Variants in HOMER1 observed in about 807,000 individuals in gnomAD.
The protein encoded by HOMER1 is homer protein homolog 1.
A neutral mutation model predicts 48.9 loss-of-function variants in HOMER1; 3 were observed. The ratio of observed to expected loss-of-function variants is 0.06; its 90% CI spans 0.03 to 0.16. HOMER1 has a LOEUF of 0.16. Ranked by LOEUF, HOMER1 falls within the 10% of genes least tolerant of loss-of-function variation. The pLI is 1.00. For synonymous variants in HOMER1, 134 were observed against 146.4 expected, an observed-to-expected ratio of 0.92 and a Z score of 0.61; for missense variants, 247 against 411.4, an observed-to-expected ratio of 0.60 and a Z score of 3.46.
intron 1 of HOMER1, among the ~76,000 whole-genome samples, chr5:79,464,115 C>G (rs1272213117): frequency 6.6e-6 from 1 of 152,078 alleles, no homozygotes; most frequent in African/African-American, 2.4e-5. Flanking sequence ...AGAAATTACA[C>G]TTACATAACA....
chr5:79,500,350 T>C (rs181580333), intron 1 of HOMER1, among the ~76,000 whole-genome samples: 13 of 152,156 alleles, frequency 8.5e-5, no homozygotes, highest in Admixed American at 7.2e-4. Flanking sequence ...CAGGAAAGGA[T>C]GGTTTGATAA....
At chr5:79,469,668 CT>C (rs145934231) in intron 1 of HOMER1, among the ~76,000 whole-genome samples, 13 of 149,034 alleles carry the variant, frequency 8.7e-5, no homozygotes, top group African/African-American at 2.0e-4. Flanking sequence ...TATAATTTGC[CT>C]TTTTTTTTTA....
intron 1 of HOMER1, among the ~76,000 whole-genome samples, chr5:79,475,862 A>C (rs1288584995): frequency 6.6e-6 from 1 of 152,196 alleles, no homozygotes; most frequent in South Asian, 2.1e-4. Context: ...TTATCAGTGC[A>C]CATATATACA....
chr5:79,379,079 C>T (rs866149156), intron 8 of HOMER1, among the ~76,000 whole-genome samples: 16 of 55,208 alleles, frequency 2.9e-4, no homozygotes, highest in African/African-American at 4.6e-4. Flanking sequence ...ACCTTTTGTC[C>T]ATATATATAT....
intron 8 of HOMER1, among the ~76,000 whole-genome samples, chr5:79,396,487 A>T (rs1018311149): frequency 6.6e-6 from 1 of 151,954 alleles, no homozygotes; most frequent in East Asian, 1.9e-4. Flanking sequence ...GGCTCAAGTG[A>T]TCCTCCTCCT....
intron 1 of HOMER1, among the ~76,000 whole-genome samples, chr5:79,464,324 T>C (rs973802835): frequency 6.6e-6 from 1 of 152,110 alleles, no homozygotes; most frequent in Non-Finnish European, 1.5e-5. Context: ...CCCCCTTGAT[T>C]TGAAGTAAAC....
At chr5:79,392,026 G>A (rs895056126) in intron 8 of HOMER1, among the ~76,000 whole-genome samples, 1 of 152,142 alleles carries the variant, frequency 6.6e-6, no homozygotes, top group Admixed American at 6.5e-5. Flanking sequence ...TCATGTGTTT[G>A]TGGTGATGCC....
chr5:79,430,227 T>A (rs1169683765), intron 5 of HOMER1, among the ~76,000 whole-genome samples: 1 of 152,194 alleles, frequency 6.6e-6, no homozygotes, highest in African/African-American at 2.4e-5. Context: ...AACAGCCATT[T>A]TTCCAAAGAA....
At chr5:79,409,204 G>A (rs1332515428) in intron 5 of HOMER1, among the ~76,000 whole-genome samples, 1 of 151,754 alleles carries the variant, frequency 6.6e-6, no homozygotes, top group Non-Finnish European at 1.5e-5. Flanking sequence ...AGGTCAAGGT[G>A]GGCAGATCAC....
At chr5:79,398,308 TACACACACACACACACACACACATGC>T (rs1306373002) in intron 6 of HOMER1, among the ~76,000 whole-genome samples, 2 of 149,460 alleles carry the variant, frequency 1.3e-5, no homozygotes, top group Non-Finnish European at 3.0e-5. Flanking sequence ...TCAATATAAA[TACACACACACACACACACACACATGC>T]ACACACACAC....
intron 8 of HOMER1, among the ~76,000 whole-genome samples, chr5:79,394,052 A>G (rs1749318073): frequency 6.6e-6 from 1 of 152,114 alleles, no homozygotes; most frequent in Non-Finnish European, 1.5e-5. Flanking sequence ...AAATTTTTCT[A>G]ATTTTTTTTA....
At chr5:79,499,470 T>A (rs1478780844) in intron 1 of HOMER1, among the ~76,000 whole-genome samples, 1 of 152,106 alleles carries the variant, frequency 6.6e-6, no homozygotes, top group East Asian at 1.9e-4. Context: ...ATAATTGATT[T>A]TTTTCAATAA....
rs143057007 is a variant in HOMER1, at chr5:79,496,130, A to G, written c.5+16640T>C. ...GGAAACTATAATAAAAGTGCCTGCA[A>G]AGAGGGAACTAAGTGAACAACCTGC... On this transcript the variant is annotated intron_variant, in intron 1 of 8. Transcript: ENST00000334082. 1.5e-4 allele frequency among the ~76,000 whole-genome samples: 23 copies of G among 152,328 alleles called. No homozygotes were observed. The East Asian group carries it at 4.4e-3, about 29-fold the overall frequency.
chr5:79,408,159 C>T (rs1302452451), intron 5 of HOMER1, among the ~76,000 whole-genome samples: 1 of 152,134 alleles, frequency 6.6e-6, no homozygotes, highest in Non-Finnish European at 1.5e-5. Flanking sequence ...CAGGCATCCA[C>T]TGGGAGTATG....
At chr5:79,390,391 G>A (rs946815524) in intron 8 of HOMER1, among the ~76,000 whole-genome samples, 1 of 152,074 alleles carries the variant, frequency 6.6e-6, no homozygotes, top group Non-Finnish European at 1.5e-5. Flanking sequence ...AGGAGTGGAA[G>A]TTCAAAGGTA....
At chr5:79,471,871 C>G (rs1048403061) in intron 1 of HOMER1, among the ~76,000 whole-genome samples, 1 of 152,198 alleles carries the variant, frequency 6.6e-6, no homozygotes, top group East Asian at 1.9e-4. Flanking sequence ...GTGCTCTTTT[C>G]CTTCAGGTCT....
At chr5:79,383,386 CTT>C (rs200444325) in intron 8 of HOMER1, among the ~76,000 whole-genome samples, 28 of 139,824 alleles carry the variant, frequency 2.0e-4, no homozygotes, top group Admixed American at 2.2e-4. Flanking sequence ...TACAGAACAT[CTT>C]TTTTTTTTTT....
At chr5:79,468,162 C>A (rs1470593190) in intron 1 of HOMER1, among the ~76,000 whole-genome samples, 1 of 152,146 alleles carries the variant, frequency 6.6e-6, no homozygotes, top group African/African-American at 2.4e-5. Context: ...CTGACCACTA[C>A]GCATGTGAAA....
chr5:79,387,797 T>C (rs1749154899), intron 8 of HOMER1, among the ~76,000 whole-genome samples: 1 of 152,226 alleles, frequency 6.6e-6, no homozygotes, highest in Non-Finnish European at 1.5e-5. Flanking sequence ...ATAGTGACTG[T>C]GTACACTGCA....
Sources: gnomAD v4.1 joint callset for allele counts (sites outside exome capture counted in the v4.1 genomes callset) on GRCh38, gnomAD v4.1.1 for gene constraint, MANE v1.5 for transcripts, NCBI Gene and HGNC (gene_info 2026-07-23, HGNC 2026-07-21) for gene names.